Variants in PIP5K1C observed in about 807,000 individuals in gnomAD.
PIP5K1C encodes the protein phosphatidylinositol-4-phosphate 5-kinase type 1 gamma, also known as phosphatidylinositol 4-phosphate 5-kinase type-1 gamma.
Under a neutral mutation model 80.1 loss-of-function variants are expected in PIP5K1C, and 45 were observed. The ratio of observed to expected loss-of-function variants is 0.56; its 90% CI spans 0.44 to 0.72. The LOEUF is 0.72. Ranked by LOEUF, PIP5K1C falls within the 30% of genes least tolerant of loss-of-function variation. The pLI is 0.00. For synonymous variants in PIP5K1C, 498 were observed against 420.1 expected (o/e 1.19, Z -2.27); for missense variants, 753 against 954.6 (o/e 0.79, Z 2.78).
chr19:3,699,493 G>C (rs1043299051), intron 1 of PIP5K1C, among the ~76,000 whole-genome samples: 1 of 152,216 alleles, frequency 6.6e-6, no homozygotes, highest in Non-Finnish European at 1.5e-5. Context: ...GCCCGTGTGG[G>C]TGTCTACAGA....
intron 1 of PIP5K1C, among the ~76,000 whole-genome samples, chr19:3,678,988 A>AGGGATGGAGGGATGGT (rs1202546362): frequency 2.7e-5 from 4 of 146,432 alleles, no homozygotes; most frequent in African/African-American, 7.6e-5. Flanking sequence ...AGATGGAGGG[A>AGGGATGGAGGGATGGT]GGGATGGAGG....
chr19:3,667,621 G>T (rs1244040893), intron 1 of PIP5K1C, among the ~76,000 whole-genome samples: 1 of 152,250 alleles, frequency 6.6e-6, no homozygotes, highest in African/African-American at 2.4e-5. Context: ...GCCTCAGGGA[G>T]ATGGGCAGCT....
At chr19:3,681,931 T>G (rs912022506) in intron 1 of PIP5K1C, among the ~76,000 whole-genome samples, 5 of 152,070 alleles carry the variant, frequency 3.3e-5, no homozygotes, top group Non-Finnish European at 7.4e-5. Context: ...CAAAGCGAAC[T>G]CCTTCCCCGT....
intron 10 of PIP5K1C, 41 bp from the exon 11 acceptor site, chr19:3,646,099 C>T: frequency 1.6e-6 from 2 of 1,248,190 alleles, no homozygotes; most frequent in Non-Finnish European, 2.4e-6. Context: ...GCAGAGGGTG[C>T]ATCAATCAAC....
At chr19:3,694,989 C>T (rs150048619) in intron 1 of PIP5K1C, among the ~76,000 whole-genome samples, 51 of 152,382 alleles carry the variant, frequency 3.3e-4, no homozygotes, top group Admixed American at 4.6e-4. Context: ...GCCGCTGCAG[C>T]GTGGGGGCCA....
At position 3,638,942 on chromosome 19, in the gene PIP5K1C, C is replaced by T. The variant is rs1568310133; in HGVS notation, c.1862G>A (p.Gly621Asp). The T allele has an allele frequency of 1.2e-6, 2 of 1,612,272 alleles. No individual in the cohort carries two copies. ...GTCCGAGGCCTGGCTGGCAGGTGCG[C>T]CCTCCTCGTCTGAGGCCTGGCTGGC... ...ETASQASDEE[G>D]APASQASDEE... The change falls in exon 16 of 18, where the codon GGC (glycine) becomes GAC (aspartate). Residue 621 changes from glycine (G) to aspartate (D), a missense_variant. Around this residue, in one of 6 missense-constraint regions of PIP5K1C, gnomAD observed 315 missense variants for 294.5 expected, o/e 1.07. Coordinates refer to ENST00000335312, the MANE Select transcript of PIP5K1C (RefSeq NM_012398.3).
chr19:3,661,414 T>G (rs902568795), intron 4 of PIP5K1C, among the ~76,000 whole-genome samples: 1 of 152,212 alleles, frequency 6.6e-6, no homozygotes, highest in Non-Finnish European at 1.5e-5. Context: ...GCAGAAACAC[T>G]GGTCATGTCC....
At chr19:3,660,052 C>T (rs909123712) in intron 5 of PIP5K1C, among the ~76,000 whole-genome samples, 1 of 152,126 alleles carries the variant, frequency 6.6e-6, no homozygotes, top group African/African-American at 2.4e-5. Context: ...GTGGTGATGG[C>T]GCAGGTTGGA....
intron 15 of PIP5K1C, among the ~76,000 whole-genome samples, chr19:3,640,252 GCCTGTCAT>G (rs1314593686): frequency 1.3e-5 from 2 of 152,216 alleles, no homozygotes; most frequent in Non-Finnish European, 2.9e-5. Context: ...CGGGGCTCAC[GCCTGTCAT>G]CCTAGCACTG....
chr19:3,682,239 G>A (rs1339488633), intron 1 of PIP5K1C, among the ~76,000 whole-genome samples: 1 of 151,872 alleles, frequency 6.6e-6, no homozygotes, highest in Non-Finnish European at 1.5e-5. Context: ...CCAGGCATGG[G>A]GGTGCGCGCC....
At chr19:3,655,701 A>C (rs1349333564) in intron 6 of PIP5K1C, among the ~76,000 whole-genome samples, 1 of 152,144 alleles carries the variant, frequency 6.6e-6, no homozygotes, top group Non-Finnish European at 1.5e-5. Flanking sequence ...CTCGCTAAGC[A>C]TCACAGAGAG....
chr19:3,681,437 G>A (rs999851442), intron 1 of PIP5K1C, among the ~76,000 whole-genome samples: 5 of 151,982 alleles, frequency 3.3e-5, no homozygotes, highest in African/African-American at 4.8e-5. Flanking sequence ...TTGCCATGTT[G>A]GCCAGGCTGA....
At chr19:3,643,525 A>G (rs1333398699) in intron 12 of PIP5K1C, 144 bp from the exon 13 acceptor site, 3 of 938,280 alleles carry the variant, frequency 3.2e-6, no homozygotes, top group Non-Finnish European at 4.9e-6. Flanking sequence ...CCCACACGGC[A>G]GGGAAGGACG....
chr19:3,636,388 C>T (rs557380206), intron 16 of PIP5K1C: 1 of 985,374 alleles, frequency 1.0e-6, no homozygotes, highest in East Asian at 1.1e-4. Flanking sequence ...CCCTTCTGGC[C>T]CCCACACTTC....
intron 14 of PIP5K1C, among the ~76,000 whole-genome samples, chr19:3,642,669 C>A (rs192481609): frequency 3.3e-5 from 5 of 151,938 alleles, no homozygotes; most frequent in Non-Finnish European, 7.4e-5. Context: ...AAAAAAAAAA[C>A]TTAATAGAAG....
At chr19:3,640,657 T>C (rs990568575) in intron 15 of PIP5K1C, among the ~76,000 whole-genome samples, 4 of 152,022 alleles carry the variant, frequency 2.6e-5, no homozygotes, top group Non-Finnish European at 5.9e-5. Flanking sequence ...TCCCAGTACT[T>C]TGGGAGGCCA....
intron 7 of PIP5K1C, among the ~76,000 whole-genome samples, chr19:3,652,475 C>G (rs558305862): frequency 1.3e-5 from 2 of 152,138 alleles, no homozygotes; most frequent in East Asian, 3.9e-4. Flanking sequence ...GGGTCAAGTT[C>G]TCAAAGGGGT....
chr19:3,644,846 CTT>C (rs1415518580), intron 11 of PIP5K1C, among the ~76,000 whole-genome samples: 2 of 152,198 alleles, frequency 1.3e-5, no homozygotes, highest in Non-Finnish European at 2.9e-5. Context: ...TCACCAAGCT[CTT>C]GTGACCTCTG....
At chr19:3,668,668 T>C (rs1296152390) in intron 1 of PIP5K1C, among the ~76,000 whole-genome samples, 2 of 152,048 alleles carry the variant, frequency 1.3e-5, no homozygotes, top group African/African-American at 2.4e-5. Context: ...GCGTCCACCA[T>C]GCAGGCCTGG....
Sources: gnomAD v4.1 joint callset for allele counts (sites outside exome capture counted in the v4.1 genomes callset) on GRCh38, gnomAD v4.1.1 for gene constraint, gnomAD v4.1.1 regional missense constraint, MANE v1.5 for transcripts, NCBI Gene and HGNC (gene_info 2026-07-23, HGNC 2026-07-21) for gene names.